The following ELAPOR2 variants were observed in gnomAD, a reference collection of about 807,000 sequenced individuals.
ELAPOR2 encodes endosome-lysosome associated apoptosis and autophagy regulator family member 2.
A neutral mutation model predicts 120.7 loss-of-function variants in ELAPOR2; 89 were observed. The ratio of observed to expected loss-of-function variants is 0.74; its 90% CI spans 0.62 to 0.88. The LOEUF is 0.88. Ranked by LOEUF, ELAPOR2 falls within the 40% of genes least tolerant of loss-of-function variation. ELAPOR2 has a pLI of 0.00. For synonymous variants in ELAPOR2, 444 were observed against 444.9 expected, an observed-to-expected ratio of 1.00 and a Z score of 0.03; for missense variants, 1,134 against 1,251.6, an observed-to-expected ratio of 0.91 and a Z score of 1.42.
At chr7:86,907,597 G>A (rs991215023) in intron 18 of ELAPOR2, 73 bp downstream of exon 18, 40 of 929,684 alleles carry the variant, frequency 4.3e-5, no homozygotes, top group Non-Finnish European at 6.5e-5. Flanking sequence ...TAGAGAATAT[G>A]TTTTAAAATA....
chr7:86,898,083 AAAC>A (rs1788527799), intron 18 of ELAPOR2, among the ~76,000 whole-genome samples: 2 of 152,204 alleles, frequency 1.3e-5, no homozygotes, highest in African/African-American at 4.8e-5. Flanking sequence ...CAAAAGGTGG[AAAC>A]AACCCAAATG....
At position 86,897,513 on chromosome 7, in the gene ELAPOR2, C is replaced by T; in HGVS notation, c.2678G>A (p.Gly893Glu). 1 of 1,612,320 alleles carries T rather than the reference C, an allele frequency of 6.2e-7. No homozygotes were observed. Reference sequence around the variant, plus strand: ...TGAGAGTTTATCCCTTACCTGAAATCCTCTCTTGCAGGCTCCCTCAATCTC... The same window carrying T: ...TGAGAGTTTATCCCTTACCTGAAATTCTCTCTTGCAGGCTCCCTCAATCTC... Reference protein sequence around the residue: ...FHEIEGACKRGFQETLYVWNE... With the variant: ...FHEIEGACKREFQETLYVWNE... The change falls in exon 19 of 22, where the codon GGA becomes GAA. Residue 893 changes from glycine to glutamate, a missense_variant. Around this residue, in one of 3 missense-constraint regions of ELAPOR2, gnomAD observed 831 missense variants for 867.6 expected, o/e 0.96. Transcript: ENST00000450689.
intron 1 of ELAPOR2, among the ~76,000 whole-genome samples, chr7:87,037,083 C>T (rs1451032667): frequency 6.6e-6 from 1 of 152,012 alleles, no homozygotes; most frequent in African/African-American, 2.4e-5. Flanking sequence ...CAGTTTCATC[C>T]TCAAATGCTT....
intron 7 of ELAPOR2, 93 bp downstream of exon 7, chr7:86,938,715 C>T (rs928276463): frequency 3.4e-5 from 45 of 1,325,450 alleles, no homozygotes; most frequent in Non-Finnish European, 4.7e-5. Flanking sequence ...GGCACCACTG[C>T]TGTCATACTT....
chr7:86,942,561 T>C (rs1383694242), intron 4 of ELAPOR2, among the ~76,000 whole-genome samples: 2 of 152,120 alleles, frequency 1.3e-5, no homozygotes, highest in East Asian at 3.8e-4. Flanking sequence ...AAGTCCACTT[T>C]GTTTTCCATT....
At chr7:87,006,929 T>C (rs1793501565) in intron 1 of ELAPOR2, among the ~76,000 whole-genome samples, 1 of 152,144 alleles carries the variant, frequency 6.6e-6, no homozygotes, top group South Asian at 2.1e-4. Context: ...AAAAACATGA[T>C]GTTGAGTGAA....
At chr7:87,036,845 G>A (rs1481616045) in intron 1 of ELAPOR2, among the ~76,000 whole-genome samples, 3 of 152,106 alleles carry the variant, frequency 2.0e-5, no homozygotes, top group African/African-American at 7.2e-5. Flanking sequence ...TCAGTACCTG[G>A]GTGATGGGAT....
chr7:86,897,347 C>G (rs1788482004), intron 19 of ELAPOR2, among the ~76,000 whole-genome samples, 159 bp downstream of exon 19: 1 of 152,136 alleles, frequency 6.6e-6, no homozygotes, highest in Non-Finnish European at 1.5e-5. Context: ...ACCCTAGCAT[C>G]TGAGAGTTCA....
At chr7:87,005,716 C>T (rs1262526993) in intron 1 of ELAPOR2, among the ~76,000 whole-genome samples, 1 of 151,978 alleles carries the variant, frequency 6.6e-6, no homozygotes, top group Admixed American at 6.6e-5. Flanking sequence ...ACAGAATATC[C>T]AAATGGAGAA....
chr7:86,894,020 T>C (rs1463847737), intron 19 of ELAPOR2, among the ~76,000 whole-genome samples: 2 of 152,098 alleles, frequency 1.3e-5, no homozygotes, highest in Non-Finnish European at 2.9e-5. Flanking sequence ...TGGTATATGA[T>C]GGTCATTTTA....
intron 1 of ELAPOR2, among the ~76,000 whole-genome samples, chr7:87,011,785 G>A (rs942775998): frequency 2.6e-5 from 4 of 152,012 alleles, no homozygotes; most frequent in Non-Finnish European, 5.9e-5. Context: ...AGGAGGGGAA[G>A]AAAGATGACA....
intron 12 of ELAPOR2, among the ~76,000 whole-genome samples, chr7:86,915,522 G>A (rs1175508512): frequency 6.6e-6 from 1 of 151,878 alleles, no homozygotes; most frequent in Non-Finnish European, 1.5e-5. Flanking sequence ...CTGATATGCT[G>A]TCATTAACAT....
At chr7:86,916,955 ATTTTTTTTTT>A (rs58682563) in intron 12 of ELAPOR2, among the ~76,000 whole-genome samples, 2 of 86,684 alleles carry the variant, frequency 2.3e-5, no homozygotes, top group South Asian at 3.5e-4. Context: ...TGGCCAGCTA[ATTTTTTTTTT>A]TTTTTTTTTT....
intron 1 of ELAPOR2, among the ~76,000 whole-genome samples, chr7:86,990,133 G>A (rs922052315): frequency 4.0e-5 from 6 of 151,886 alleles, no homozygotes; most frequent in East Asian, 1.9e-4. Flanking sequence ...TGCAACCTCC[G>A]CCTCCTGGGT....
chr7:86,958,891 T>C (rs1368338416), intron 2 of ELAPOR2, among the ~76,000 whole-genome samples: 1 of 152,202 alleles, frequency 6.6e-6, no homozygotes, highest in East Asian at 1.9e-4. Flanking sequence ...TTAATAGAGA[T>C]TGCATTAAAT....
At chr7:86,919,997 A>G (rs1789754546) in intron 10 of ELAPOR2, among the ~76,000 whole-genome samples, 1 of 152,132 alleles carries the variant, frequency 6.6e-6, no homozygotes, top group Non-Finnish European at 1.5e-5. Context: ...GGCCTCTCCA[A>G]CATAACATCA....
chr7:86,970,466 A>C (rs1244893158), intron 1 of ELAPOR2, among the ~76,000 whole-genome samples: 1 of 152,182 alleles, frequency 6.6e-6, no homozygotes, highest in Non-Finnish European at 1.5e-5. Context: ...AGGCTTCCGA[A>C]TTTAAGTGCT....
rs1795360848 is a variant in ELAPOR2 at position 87,059,362 on chromosome 7, G to A, written c.152C>T (p.Pro51Leu). 3.2e-6 allele frequency: 4 copies of A among 1,247,236 alleles called. No individual in the cohort carries two copies. The highest frequency in any genetic ancestry group is 8.4e-5 in the Admixed American group (2 of 23,700). The allele number at this position is 1,247,236 out of a possible 1,614,324, so 77.3% of individuals were successfully genotyped here. A position where few individuals can be genotyped will look rare whatever the true frequency, so the allele number is the denominator to read the frequency against. ...AGGAAGCGGGCGGCTGGAGGAGGAGGGCAGGTCCCCAGCCCAGGCCGCCTG... is the reference window on the plus strand; with the variant it reads ...AGGAAGCGGGCGGCTGGAGGAGGAGAGCAGGTCCCCAGCCCAGGCCGCCTG... ...GCQAAWAGDL[P>L]SSSSRPLPPC... is the part of the protein sequence containing the mutation. The change falls in exon 1 of 22, where the codon CCC becomes CTC. Residue 51 changes from proline to leucine, a missense_variant. By Grantham distance (98) the Pro-to-Leu change is moderately conservative. Transcript: ENST00000450689.
At chr7:86,996,712 G>A (rs971833921) in intron 1 of ELAPOR2, among the ~76,000 whole-genome samples, 3 of 152,206 alleles carry the variant, frequency 2.0e-5, no homozygotes, top group Non-Finnish European at 4.4e-5. Context: ...GGTTGAAACA[G>A]TTTTCTAGGT....
Sources: gnomAD v4.1 joint callset for allele counts (sites outside exome capture counted in the v4.1 genomes callset) on GRCh38, gnomAD v4.1.1 for gene constraint, gnomAD v4.1.1 regional missense constraint, MANE v1.5 for transcripts, NCBI Gene and HGNC (gene_info 2026-07-23, HGNC 2026-07-21) for gene names.